The following NELL1 variants were observed in gnomAD, a reference collection of about 807,000 sequenced individuals.
NELL1 encodes protein kinase C-binding protein NELL1.
In NELL1, 76 loss-of-function variants were observed where a neutral mutation model predicts 107.4. The observed-to-expected ratio is 0.71, with a 90% CI of 0.59 to 0.86. NELL1 has a LOEUF of 0.86. NELL1 is among the 40% of genes least tolerant of loss of function. NELL1 has a pLI of 0.00. For missense variants in NELL1, 1,024 were observed against 1,005.5 expected, an observed-to-expected ratio of 1.02 and a Z score of -0.25; for synonymous variants, 353 against 341.2, an observed-to-expected ratio of 1.03 and a Z score of -0.38.
At chr11:21,253,784 A>G (rs1161908721) in intron 14 of NELL1, among the ~76,000 whole-genome samples, 3 of 152,138 alleles carry the variant, frequency 2.0e-5, no homozygotes, top group Middle Eastern at 6.8e-3. Context: ...TGTGACGGTT[A>G]AAACAAAACA....
chr11:21,323,114 C>T (rs1590836476), intron 14 of NELL1, among the ~76,000 whole-genome samples: 1 of 152,144 alleles, frequency 6.6e-6, no homozygotes, highest in Admixed American at 6.6e-5. Flanking sequence ...CTGTACAAAA[C>T]AATGAAGTAG....
chr11:21,262,335 T>C (rs1282605191), intron 14 of NELL1, among the ~76,000 whole-genome samples: 3 of 151,792 alleles, frequency 2.0e-5, no homozygotes, highest in Non-Finnish European at 4.4e-5. Context: ...GCCCCGTTCC[T>C]ATGTACTGTG....
intron 14 of NELL1, among the ~76,000 whole-genome samples, chr11:21,322,209 G>A (rs1850027061): frequency 6.6e-6 from 1 of 152,152 alleles, no homozygotes; most frequent in African/African-American, 2.4e-5. Flanking sequence ...GTAATGCAGA[G>A]CACTAGACTA....
intron 3 of NELL1, among the ~76,000 whole-genome samples, chr11:20,829,880 A>G (rs1052719589): frequency 1.3e-5 from 2 of 152,014 alleles, no homozygotes; most frequent in Non-Finnish European, 2.9e-5. Context: ...ATATCTTATT[A>G]CTGATGATAT....
chr11:20,924,145 G>A (rs1321141212), intron 7 of NELL1, among the ~76,000 whole-genome samples: 1 of 152,218 alleles, frequency 6.6e-6, no homozygotes, highest in African/African-American at 2.4e-5. Flanking sequence ...AATAGCTTTT[G>A]AAAATGAATG....
chr11:21,507,265 C>A (rs896570331), intron 15 of NELL1, among the ~76,000 whole-genome samples: 1 of 152,128 alleles, frequency 6.6e-6, no homozygotes, highest in Non-Finnish European at 1.5e-5. Context: ...AGAAAATAAT[C>A]TTTGCATTTA....
chr11:20,976,147 GTA>G (rs144856344), intron 12 of NELL1, among the ~76,000 whole-genome samples: 83 of 106,904 alleles, frequency 7.8e-4, no homozygotes, highest in Middle Eastern at 6.8e-3. Flanking sequence ...GTACACACAT[GTA>G]TATATATACA....
At chr11:21,307,706 T>G (rs77105655) in intron 14 of NELL1, among the ~76,000 whole-genome samples, 1,831 of 152,036 alleles carry the variant, frequency 0.012, 34 homozygotes, top group African/African-American at 0.042. Flanking sequence ...CAAAATATAG[T>G]AGTGACACAT....
intron 2 of NELL1, among the ~76,000 whole-genome samples, chr11:20,693,903 C>T (rs1414051276): frequency 1.3e-5 from 2 of 152,142 alleles, no homozygotes; most frequent in South Asian, 4.1e-4. Flanking sequence ...TTCCATTCTC[C>T]CCGTCACTTT....
At chr11:21,446,474 A>T (rs1438116394) in intron 15 of NELL1, among the ~76,000 whole-genome samples, 1 of 152,088 alleles carries the variant, frequency 6.6e-6, no homozygotes. Context: ...GTTACTACCC[A>T]TCCTTTTTGG....
intron 9 of NELL1, among the ~76,000 whole-genome samples, chr11:20,929,465 G>A (rs1850571265): frequency 6.6e-6 from 1 of 150,858 alleles, no homozygotes; most frequent in Non-Finnish European, 1.5e-5. Flanking sequence ...TTGGCACACT[G>A]CACCCATTGC....
intron 1 of NELL1, among the ~76,000 whole-genome samples, chr11:20,673,359 G>A (rs1224578503): frequency 6.6e-6 from 1 of 152,184 alleles, no homozygotes; most frequent in African/African-American, 2.4e-5. Flanking sequence ...GCCCAAACCT[G>A]ATTAAGTGGT....
intron 14 of NELL1, among the ~76,000 whole-genome samples, chr11:21,270,406 C>T (rs866817860): frequency 6.6e-6 from 1 of 152,040 alleles, no homozygotes; most frequent in African/African-American, 2.4e-5. Context: ...ACACAACAGA[C>T]TTCAAAGCAA....
intron 13 of NELL1, among the ~76,000 whole-genome samples, chr11:21,196,807 A>G (rs572867750): frequency 6.6e-6 from 1 of 152,068 alleles, no homozygotes; most frequent in South Asian, 2.1e-4. Context: ...ACAGGCACTT[A>G]AGAGGTACAT....
At position 21,288,978 on chromosome 11, in the gene NELL1, G is replaced by T. The variant is rs575687030; in HGVS notation, c.1549+59524G>T. On this transcript the variant is annotated intron_variant, in intron 14 of 19. Coordinates refer to ENST00000357134, the MANE Select transcript of NELL1 (RefSeq NM_006157.5). Reference sequence around the variant, plus strand: ...AGTGTTCTAAGAAGTGAAGACCAAGGCTGTAGACCTCTTAAGGCTCAGACA... The same window carrying T: ...AGTGTTCTAAGAAGTGAAGACCAAGTCTGTAGACCTCTTAAGGCTCAGACA... Among the ~76,000 whole-genome samples the T allele has an allele frequency of 1.8e-3, 281 of 152,300 alleles. 2 individuals carry two copies. The highest frequency in any genetic ancestry group is 6.5e-3 in the African/African-American group (270 of 41,566).
intron 12 of NELL1, among the ~76,000 whole-genome samples, chr11:20,963,363 CGATGTTT>C: frequency 6.6e-6 from 1 of 151,970 alleles, no homozygotes; most frequent in East Asian, 1.9e-4. Context: ...ACTTCTAGAC[CGATGTTT>C]GAGAAAGGAG....
intron 15 of NELL1, among the ~76,000 whole-genome samples, chr11:21,483,445 C>T (rs973249737): frequency 2.6e-5 from 4 of 152,110 alleles, no homozygotes; most frequent in Non-Finnish European, 5.9e-5. Flanking sequence ...AACTGCTACA[C>T]AGGGTTAAAT....
In NELL1 at chr11:21,149,298, G is replaced by T. The variant is rs117193967; in HGVS notation, c.1426+35584G>T. On this transcript the variant is annotated intron_variant, in intron 13 of 19. Transcript: ENST00000357134. The stretch of plus-strand genomic sequence containing the variant: ...TCTGAAGGAATGGTGTATTAGTCTG[G>T]GCTCATGCTGCTAATAAAGACATAC... 5.1e-3 allele frequency among the ~76,000 whole-genome samples: 775 copies of T among 152,188 alleles called. 4 individuals carry two copies. Among genetic ancestry groups the T allele is most frequent in the Middle Eastern group, 0.017 (5 of 294 alleles).
chr11:20,803,662 T>G (rs149166435), intron 3 of NELL1, among the ~76,000 whole-genome samples: 2,699 of 152,292 alleles, frequency 0.018, 30 homozygotes, highest in South Asian at 0.032. Flanking sequence ...ATTTTTCTAT[T>G]TTTTTCTTTT....
Sources: allele counts gnomAD v4.1 joint callset (sites outside exome capture counted in the v4.1 genomes callset), GRCh38; gene constraint gnomAD v4.1.1; transcripts MANE v1.5; gene names NCBI Gene and HGNC (gene_info 2026-07-23, HGNC 2026-07-21).